RNF169: variants seen among roughly 807,000 people sequenced by gnomAD.
RNF169 encodes ring finger protein 169.
RNF169 carries 24 observed loss-of-function variants against 53.9 expected under a neutral mutation model. The observed-to-expected ratio is 0.45, with a 90% CI of 0.32 to 0.63. The LOEUF is 0.63. Ranked by LOEUF, RNF169 falls within the 20% of genes least tolerant of loss-of-function variation. The pLI, the probability that RNF169 is intolerant of heterozygous loss-of-function variation, is 0.04. For synonymous variants in RNF169, 396 were observed against 363.5 expected, an observed-to-expected ratio of 1.09 and a Z score of -1.02; for missense variants, 883 against 906.2, an observed-to-expected ratio of 0.97 and a Z score of 0.33.
At chr11:74,802,567 C>G (rs1040767754) in intron 2 of RNF169, among the ~76,000 whole-genome samples, 4 of 152,190 alleles carry the variant, frequency 2.6e-5, no homozygotes, top group African/African-American at 7.2e-5. Flanking sequence ...GGCTTGAACC[C>G]GAGAGGTGGA....
intron 1 of RNF169, among the ~76,000 whole-genome samples, chr11:74,774,966 T>TC (rs1173511110): frequency 6.6e-6 from 1 of 152,050 alleles, no homozygotes; most frequent in Non-Finnish European, 1.5e-5. Context: ...AGAGTGAGAC[T>TC]CCATCTCAAA....
chr11:74,750,226 A>G (rs1591381015), intron 1 of RNF169, among the ~76,000 whole-genome samples: 1 of 152,206 alleles, frequency 6.6e-6, no homozygotes, highest in South Asian at 2.1e-4. Context: ...CCTGTATAAA[A>G]TAAGACTGTT....
At position 74,834,751 on chromosome 11, in the gene RNF169, A is replaced by G; in HGVS notation, c.918A>G (p.Arg306=). Residue 306 remains arginine (R), a synonymous_variant, in exon 5 of 6, where the codon AGA becomes AGG. Transcript: ENST00000299563. ...AGGAAAGAGCGAAGAGCAGAGTCAG[A>G]GCAGTTCCAGGCAACAAAGCCAAGG... is the stretch of plus-strand genomic sequence containing the variant. The part of the protein sequence containing the change: ...TAQERAKSRV[R]AVPGNKAKVT... 6.2e-7 allele frequency: 1 copy of G among 1,614,054 alleles called. No individual in the cohort carries two copies. The highest frequency in any genetic ancestry group is 2.2e-5 in the East Asian group (1 of 44,884).
At position 74,770,597 on chromosome 11, in the gene RNF169, C is replaced by A. The variant is rs577547575; in HGVS notation, c.503-19029C>A. On this transcript the variant is annotated intron_variant, in intron 1 of 5. Transcript: ENST00000299563. ...TCGCAGTTCCTCCATGAATAATGTACATGAGTATGTTTATTTCCTGTGTTA... is the reference window on the plus strand; with the variant it reads ...TCGCAGTTCCTCCATGAATAATGTAAATGAGTATGTTTATTTCCTGTGTTA... Among the ~76,000 whole-genome samples, 3 of 152,248 alleles carry A rather than the reference C, an allele frequency of 2.0e-5. No homozygotes were observed. In the East Asian group the frequency reaches 5.8e-4, roughly 29 times the overall value.
At chr11:74,794,575 G>T (rs1055460395) in intron 2 of RNF169, among the ~76,000 whole-genome samples, 1 of 152,170 alleles carries the variant, frequency 6.6e-6, no homozygotes, top group Non-Finnish European at 1.5e-5. Flanking sequence ...AAAGTTTAGG[G>T]TATGACCATG....
chr11:74,775,839 T>C (rs186266563), intron 1 of RNF169, among the ~76,000 whole-genome samples: 38 of 152,230 alleles, frequency 2.5e-4, no homozygotes, highest in African/African-American at 8.4e-4. Flanking sequence ...GGCACTATAC[T>C]GAGCTCTTTG....
At chr11:74,820,774 G>A (rs956333159) in intron 4 of RNF169, among the ~76,000 whole-genome samples, 4 of 152,200 alleles carry the variant, frequency 2.6e-5, no homozygotes, top group Admixed American at 6.5e-5. Flanking sequence ...TGGTAGAAGC[G>A]TCAGTAATAT....
intron 1 of RNF169, among the ~76,000 whole-genome samples, chr11:74,752,184 A>G (rs191676330): frequency 3.7e-5 from 5 of 135,438 alleles, no homozygotes; most frequent in African/African-American, 1.3e-4. Context: ...GTGAGCCAAG[A>G]TTGCACCGCT....
At chr11:74,764,343 G>A (rs779025357) in intron 1 of RNF169, among the ~76,000 whole-genome samples, 8 of 152,050 alleles carry the variant, frequency 5.3e-5, no homozygotes, top group Non-Finnish European at 1.2e-4. Context: ...AGACCAGCCT[G>A]ACTAACATGT....
At chr11:74,805,853 G>A (rs895778279) in intron 2 of RNF169, among the ~76,000 whole-genome samples, 5 of 151,756 alleles carry the variant, frequency 3.3e-5, no homozygotes, top group African/African-American at 1.2e-4. Context: ...AGATACAGAG[G>A]GCCGACTTTT....
intron 2 of RNF169, among the ~76,000 whole-genome samples, chr11:74,803,726 G>A (rs1385053373): frequency 3.3e-5 from 5 of 152,076 alleles, no homozygotes; most frequent in Non-Finnish European, 7.4e-5. Context: ...ATATTCAACA[G>A]ACATAAAACT....
intron 1 of RNF169, among the ~76,000 whole-genome samples, chr11:74,758,751 A>G (rs10899043): frequency 0.34 from 52,150 of 151,878 alleles, 10,952 homozygotes; most frequent in African/African-American, 0.6. Flanking sequence ...TGATCCGCCC[A>G]CCTTGGCCTC....
chr11:74,826,003 G>A (rs1056096063), intron 4 of RNF169, among the ~76,000 whole-genome samples: 3 of 152,194 alleles, frequency 2.0e-5, no homozygotes, highest in African/African-American at 7.2e-5. Context: ...GTGAGTGAAT[G>A]AATGAAGGGG....
At chr11:74,822,018 T>TGTGA (rs549892814) in intron 4 of RNF169, among the ~76,000 whole-genome samples, 1 of 151,306 alleles carries the variant, frequency 6.6e-6, no homozygotes, top group Non-Finnish European at 1.5e-5. Flanking sequence ...GGTGTGTGTG[T>TGTGA]GTGAGTGAGT....
chr11:74,836,603 A>G lies in RNF169; in HGVS notation c.2000A>G (p.Glu667Gly). ...REMEQKLQQE[E>G]EDRQLALQLQ... ...ATGGAGCAGAAGCTTCAGCAAGAGG[A>G]AGAAGACCGACAGTTGGCTCTGCAG... Residue 667 changes from glutamate (E) to glycine (G), a missense_variant, in exon 6 of 6, where the codon GAA becomes GGA. By Grantham distance (98) the Glu-to-Gly change is moderately conservative. Transcript: ENST00000299563. The G allele has an allele frequency of 2.5e-6, 4 of 1,614,078 alleles. No homozygotes were observed. The highest frequency in any genetic ancestry group is 3.4e-6 in the Non-Finnish European group (4 of 1,180,032).
intron 4 of RNF169, chr11:74,831,904 C>G (rs565422222): frequency 2.0e-5 from 3 of 152,298 alleles, no homozygotes; most frequent in African/African-American, 7.2e-5. Flanking sequence ...GGGGAAAGAA[C>G]AGCCACTTTA....
chr11:74,810,154 C>T (rs763967978), intron 2 of RNF169, 30 bp from the exon 3 acceptor site: 1 of 1,585,182 alleles, frequency 6.3e-7, no homozygotes, highest in African/African-American at 1.4e-5. Context: ...TTGCCTAAAA[C>T]TACTGTGTTT....
chr11:74,754,174 C>T lies in RNF169; in HGVS notation c.502+4792C>T, dbSNP rs1024360243. Among the ~76,000 whole-genome samples, 3 of 152,296 alleles carry T rather than the reference C, an allele frequency of 2.0e-5. No individual in the cohort carries two copies. The South Asian group carries it at 6.2e-4, about 32-fold the overall frequency. On this transcript the variant is annotated intron_variant, in intron 1 of 5. Coordinates refer to ENST00000299563, the MANE Select transcript of RNF169 (RefSeq NM_001098638.2). ...TGAAATATTAAAGATCTCTCTCTCT[C>T]ATGGAGCTTATATTCTAAATTTAGA...
chr11:74,752,107 C>T (rs917604909), intron 1 of RNF169, among the ~76,000 whole-genome samples: 4 of 151,506 alleles, frequency 2.6e-5, no homozygotes, highest in Admixed American at 2.0e-4. Context: ...TGGTGTGTGC[C>T]TGTAGTCCCA....
Sources: gnomAD v4.1 joint callset for allele counts (sites outside exome capture counted in the v4.1 genomes callset) on GRCh38, gnomAD v4.1.1 for gene constraint, MANE v1.5 for transcripts, NCBI Gene and HGNC (gene_info 2026-07-23, HGNC 2026-07-21) for gene names.